COL18A1: variants seen among roughly 807,000 people sequenced by gnomAD.
COL18A1 encodes collagen type XVIII alpha 1 chain.
Under a neutral mutation model 168.0 loss-of-function variants are expected in COL18A1, and 133 were observed. The ratio of observed to expected loss-of-function variants is 0.79; its 90% CI spans 0.69 to 0.91. COL18A1 has a LOEUF of 0.91. Ranked by LOEUF, COL18A1 falls within the 40% of genes least tolerant of loss-of-function variation. COL18A1 has a pLI of 0.00. For synonymous variants in COL18A1, 949 were observed against 809.0 expected (o/e 1.17, Z -2.94); for missense variants, 2,126 against 1,925.4 (o/e 1.10, Z -1.95).
chr21:45,493,798 CCT>C, intron 26 of COL18A1: 1 of 573,508 alleles, frequency 1.7e-6, no homozygotes, highest in Non-Finnish European at 3.1e-6. Context: ...TCTCCCTACC[CCT>C]GAGCCCACCC....
rs368913533 is a variant in COL18A1, at chr21:45,511,152, C to T, written c.3735C>T (p.Gly1245=). The change falls in exon 41 of 42, where the codon GGC becomes GGT. Residue 1245 remains glycine, a synonymous_variant. Transcript: ENST00000651438. The part of the protein sequence containing the change: ...LFPSWEALFS[G]SEGPLKPGAR... ...CCAGCTGGGAGGCTCTGTTCTCAGG[C>T]TCTGAGGGTCCGCTGAAGCCCGGGG... The T allele has an allele frequency of 2.4e-4, 378 of 1,598,974 alleles. 1 individual carries two copies. The highest frequency in any genetic ancestry group is 1.2e-3 in the Middle Eastern group (7 of 6,066).
chr21:45,454,886 G>C (rs1012656126), intron 2 of COL18A1, among the ~76,000 whole-genome samples: 2 of 152,230 alleles, frequency 1.3e-5, no homozygotes, highest in Admixed American at 1.3e-4. Flanking sequence ...CTGGGCAGAA[G>C]GTCAGGAAGG....
chr21:45,466,180 C>G (rs1291463779), intron 2 of COL18A1, among the ~76,000 whole-genome samples: 1 of 152,112 alleles, frequency 6.6e-6, no homozygotes, highest in African/African-American at 2.4e-5. Flanking sequence ...ATAAGGGACC[C>G]AAGGGGAGGG....
At chr21:45,456,238 A>T in intron 2 of COL18A1, 1 of 1,599,526 alleles carries the variant, frequency 6.3e-7, no homozygotes, top group South Asian at 1.1e-5. Flanking sequence ...TGCAGGACCC[A>T]GACAGCCAAG....
intron 2 of COL18A1, chr21:45,456,784 G>A (rs528804587): frequency 1.0e-5 from 16 of 1,541,600 alleles, no homozygotes; most frequent in South Asian, 3.6e-5. Flanking sequence ...TGCAGGATGC[G>A]TGTTGGAGCC....
intron 2 of COL18A1, among the ~76,000 whole-genome samples, chr21:45,430,318 G>A (rs983186118): frequency 1.3e-5 from 2 of 151,794 alleles, no homozygotes; most frequent in African/African-American, 2.4e-5. Context: ...GGTGGTCAGA[G>A]CTAAGGTTCT....
At chr21:45,422,569 G>C in intron 2 of COL18A1, 1 of 500,760 alleles carries the variant, frequency 2.0e-6, no homozygotes, top group Non-Finnish European at 4.1e-6. Context: ...AGGCATCTGT[G>C]AGTCGCCGTC....
At chr21:45,475,585 C>G (rs57637365) in intron 5 of COL18A1, 50 bp downstream of exon 5, 2 of 1,523,812 alleles carry the variant, frequency 1.3e-6, no homozygotes, top group African/African-American at 1.4e-5. Flanking sequence ...CCGGGAGAGC[C>G]CCTCCCAGCA....
intron 2 of COL18A1, among the ~76,000 whole-genome samples, chr21:45,430,585 G>A (rs944054457): frequency 2.6e-5 from 4 of 152,168 alleles, no homozygotes; most frequent in African/African-American, 7.2e-5. Context: ...TGGTGACCCC[G>A]GGTCCGGTTA....
chr21:45,445,091 C>A (rs2034476022), intron 2 of COL18A1, among the ~76,000 whole-genome samples: 2 of 152,204 alleles, frequency 1.3e-5, no homozygotes, highest in African/African-American at 2.4e-5. Flanking sequence ...TGGAACATTT[C>A]ATCACTCCAG....
At chr21:45,505,684 T>C (rs979890603) in intron 36 of COL18A1, among the ~76,000 whole-genome samples, 154 bp from the exon 37 acceptor site, 3 of 151,820 alleles carry the variant, frequency 2.0e-5, no homozygotes, top group African/African-American at 7.3e-5. Context: ...CAGGCAGGGG[T>C]CCCCATGGTG....
chr21:45,508,547 A>T (rs1220559883), intron 38 of COL18A1, among the ~76,000 whole-genome samples: 1 of 151,160 alleles, frequency 6.6e-6, no homozygotes, highest in Non-Finnish European at 1.5e-5. Flanking sequence ...GATGGGTAGA[A>T]ATATTTTCGT....
At chr21:45,461,436 G>A (rs1027132060) in intron 2 of COL18A1, among the ~76,000 whole-genome samples, 1 of 151,404 alleles carries the variant, frequency 6.6e-6, no homozygotes, top group African/African-American at 2.4e-5. Context: ...CTGTGCATGG[G>A]CACCGTCCAT....
intron 3 of COL18A1, among the ~76,000 whole-genome samples, chr21:45,472,456 C>A (rs904082352): frequency 1.3e-5 from 2 of 152,232 alleles, no homozygotes; most frequent in African/African-American, 2.4e-5. Flanking sequence ...TGTGATCCAC[C>A]CGCCTCGGCC....
rs2034893825 is a variant in COL18A1 at position 45,457,840 on chromosome 21, C to T, written c.107-10402C>T. 6.6e-6 allele frequency among the ~76,000 whole-genome samples: 1 copy of T among 152,148 alleles called. No homozygotes were observed. The highest frequency in any genetic ancestry group is 2.4e-5 in the African/African-American group (1 of 41,442). On this transcript the variant is annotated intron_variant, in intron 2 of 41. Coordinates refer to ENST00000651438, the MANE Select transcript of COL18A1 (RefSeq NM_001379500.1). This position sits in a 1 kb window ranked among gnomAD's most constrained non-coding sequence, Gnocchi z 4.6. ...TTGGGACAGGGTTGGTGGGGGTTAG[C>T]AGCTGTGCCGGACCTGGAGGTGGGG...
At chr21:45,448,795 C>T (rs1375907179) in intron 2 of COL18A1, among the ~76,000 whole-genome samples, 1 of 152,240 alleles carries the variant, frequency 6.6e-6, no homozygotes, top group African/African-American at 2.4e-5. Context: ...GTCCCAGAGC[C>T]GTCAGGGACC....
rs1386053780 is a variant in COL18A1, at chr21:45,498,957, G to A, written c.2683+1296G>A. On this transcript the variant is annotated intron_variant, in intron 32 of 41. Coordinates refer to ENST00000651438, the MANE Select transcript of COL18A1 (RefSeq NM_001379500.1). The surrounding 1 kb of genome is among the most constrained non-coding windows in gnomAD (Gnocchi z 4.5). ...TATAGGTTTTGGTCGACGTGGGATT[G>A]CTTGTCCCTGGGAGCCAGAACGAGG... Among the ~76,000 whole-genome samples, 1 of 152,224 alleles carries A rather than the reference G, an allele frequency of 6.6e-6. No homozygotes were observed.
chr21:45,494,914 C>T lies in COL18A1; in HGVS notation c.2432C>T (p.Pro811Leu), dbSNP rs757125709. The change falls in exon 28 of 42, where the codon CCG (proline) becomes CTG (leucine). Residue 811 changes from proline (P) to leucine (L), a missense_variant and splice_region_variant. Pro to Leu is a moderately conservative substitution (Grantham distance 98, BLOSUM62 -3). Transcript: ENST00000651438. ...YKGEIGFPGR[P>L]GRPGMNGLKG... The stretch of plus-strand genomic sequence containing the variant: ...GGAGAGATTGGCTTTCCTGGACGGC[C>T]GGTGAGGACCTGGGGTCTCCAGTGG... 3.7e-6 allele frequency: 6 copies of T among 1,609,988 alleles called. No individual in the cohort carries two copies. The highest frequency in any genetic ancestry group is 1.3e-5 in the African/African-American group (1 of 74,996).
rs2035298131 is a variant in COL18A1, at chr21:45,468,504, G to A, written c.369G>A (p.Val123=). Residue 123 remains valine (V), a synonymous_variant, in exon 3 of 42, where the codon GTG becomes GTA. Transcript: ENST00000651438. ...DSAQAMVLLG[V]KLSGVQDGHQ... ...CGCAGGCCATGGTCTTGCTGGGCGT[G>A]AAGCTCTCTGGGGTGCAGGACGGGC... is the stretch of plus-strand genomic sequence containing the variant. 2 of 1,613,754 alleles carry A rather than the reference G, an allele frequency of 1.2e-6. No homozygotes were observed. The highest frequency in any genetic ancestry group is 1.7e-6 in the Non-Finnish European group (2 of 1,180,024).
Sources: gnomAD v4.1 joint callset for allele counts (sites outside exome capture counted in the v4.1 genomes callset) on GRCh38, gnomAD v4.1.1 for gene constraint, Gnocchi (gnomAD v3.1) non-coding constraint, MANE v1.5 for transcripts, NCBI Gene and HGNC (gene_info 2026-07-23, HGNC 2026-07-21) for gene names.